The following LRCH2 variants were observed in gnomAD, a reference collection of about 807,000 sequenced individuals.
LRCH2 encodes the protein leucine-rich repeat and calponin homology domain-containing protein 2.
A neutral mutation model predicts 68.9 loss-of-function variants in LRCH2; 38 were observed. That is an observed-to-expected ratio of 0.55 (90% CI 0.43 to 0.72). The LOEUF (loss-of-function observed/expected upper bound fraction) is 0.72. Among genes scored for constraint, LRCH2 ranks in the 30% least tolerant of loss-of-function variants. The probability of loss-of-function intolerance (pLI) is 0.00; values close to 1 mark genes in which losing one functional copy is unlikely to be tolerated. For synonymous variants in LRCH2, 191 were observed against 208.1 expected (o/e 0.92, Z 0.71); for missense variants, 528 against 572.9 (o/e 0.92, Z 0.80).
rs1215220974 is a variant in LRCH2 at position 115,162,681 on chromosome X, G to A, written c.1463+995C>T. ...GATTGCCCCTAAAAAGTGGCCCCTA[G>A]AAACCATATATTTGTCATTTGATAA... On this transcript the variant is annotated intron_variant, in intron 11 of 20. Coordinates refer to ENST00000317135, the MANE Select transcript of LRCH2 (RefSeq NM_020871.4). Among the ~76,000 whole-genome samples the A allele has an allele frequency of 4.5e-5, 5 of 111,528 alleles. No individual in the cohort carries two copies. The East Asian group carries it at 1.4e-3, about 31-fold the overall frequency.
At chrX:115,114,640 A>G (rs1201401776) in intron 20 of LRCH2, among the ~76,000 whole-genome samples, 2 of 111,191 alleles carry the variant, frequency 1.8e-5, no homozygotes, top group Non-Finnish European at 3.8e-5. Flanking sequence ...CAAATTACCA[A>G]TATCATAAAT....
At chrX:115,159,748 C>CA (rs71894663) in intron 11 of LRCH2, among the ~76,000 whole-genome samples, 2,762 of 78,907 alleles carry the variant, frequency 0.035, 138 homozygotes, top group African/African-American at 0.12. Flanking sequence ...GAGACTGTCT[C>CA]AAAAAAAAAA....
chrX:115,153,928 G>A (rs1259737776), intron 12 of LRCH2, among the ~76,000 whole-genome samples: 8 of 111,681 alleles, frequency 7.2e-5, no homozygotes, highest in Non-Finnish European at 1.5e-4. Context: ...AAACATAAAT[G>A]ATTTTTAACA....
intron 1 of LRCH2, among the ~76,000 whole-genome samples, chrX:115,198,245 A>G (rs2072905765): frequency 9.0e-6 from 1 of 111,251 alleles, no homozygotes; most frequent in South Asian, 3.8e-4. Context: ...ACAAAATAAG[A>G]AACGAAACTT....
rs1556522488 is a variant in LRCH2 at position 115,110,669 on chromosome X, T to A, written c.*2547A>T. 1.8e-5 allele frequency: 2 copies of A among 112,205 alleles called. No individual in the cohort carries two copies. The highest frequency in any genetic ancestry group is 6.5e-5 in the African/African-American group (2 of 30,841). The allele number at this position is 112,205 out of a possible 1,213,427, so 9.2% of individuals were successfully genotyped here. A position where few individuals can be genotyped will look rare whatever the true frequency, so the allele number is the denominator to read the frequency against. On this transcript the variant is annotated 3_prime_UTR_variant, in exon 21 of 21. Coordinates refer to ENST00000317135, the MANE Select transcript of LRCH2 (RefSeq NM_020871.4). ...GCATCGGTAATATACATTTAAGTGTTCCATTTATTTTTAAATGCATCAGAA... is the reference window on the plus strand; with the variant it reads ...GCATCGGTAATATACATTTAAGTGTACCATTTATTTTTAAATGCATCAGAA...
rs377517608 is a variant in LRCH2, at chrX:115,224,508, C to T, written c.349+9185G>A. Among the ~76,000 whole-genome samples the T allele has an allele frequency of 9.1e-5, 10 of 109,430 alleles. No homozygotes were observed. The East Asian group carries it at 2.3e-3, about 25-fold the overall frequency. On this transcript the variant is annotated intron_variant, in intron 1 of 20. Transcript: ENST00000317135. ...GACCAGCCTGGGCAACATGATGAAA[C>T]CCTGTCTCTACAAAAAAATACAAAA...
intron 14 of LRCH2, among the ~76,000 whole-genome samples, chrX:115,148,071 T>TA (rs11299559): frequency 2.1e-4 from 22 of 105,911 alleles, no homozygotes; most frequent in Admixed American, 1.0e-4. Flanking sequence ...CTCTGTCTCT[T>TA]AAAAAAAAAA....
At chrX:115,129,913 A>C (rs1379482260) in intron 15 of LRCH2, among the ~76,000 whole-genome samples, 5 of 111,569 alleles carry the variant, frequency 4.5e-5, no homozygotes, top group Non-Finnish European at 7.5e-5. Context: ...CAGGTCTAAG[A>C]CGAATGATGA....
chrX:115,215,871 T>C (rs1422661434), intron 1 of LRCH2, among the ~76,000 whole-genome samples: 1 of 110,437 alleles, frequency 9.1e-6, no homozygotes, highest in Non-Finnish European at 1.9e-5. Context: ...GGCACTTCCA[T>C]ACATCATTGG....
chrX:115,193,797 C>T (rs1366519093), intron 1 of LRCH2, among the ~76,000 whole-genome samples: 2 of 111,294 alleles, frequency 1.8e-5, no homozygotes, highest in Non-Finnish European at 3.8e-5. Context: ...CAGCAACAAC[C>T]TCTATTCATG....
chrX:115,179,306 G>T, intron 5 of LRCH2, 121 bp downstream of exon 5: 1 of 569,989 alleles, frequency 1.8e-6, no homozygotes, highest in Non-Finnish European at 2.5e-6. Flanking sequence ...AAAAACTTTA[G>T]ACAACAGTGC....
chrX:115,201,321 T>C (rs782425493), intron 1 of LRCH2, among the ~76,000 whole-genome samples: 40 of 111,862 alleles, frequency 3.6e-4, no homozygotes, highest in African/African-American at 1.2e-3. Flanking sequence ...TCATACACCA[T>C]GATCAAGTGG....
intron 14 of LRCH2, among the ~76,000 whole-genome samples, chrX:115,144,321 T>TG (rs1486041064): frequency 9.0e-6 from 1 of 111,139 alleles, no homozygotes; most frequent in Non-Finnish European, 1.9e-5. Context: ...TCTCAAAAAC[T>TG]GGGGTATAGA....
intron 14 of LRCH2, among the ~76,000 whole-genome samples, chrX:115,142,230 C>A: frequency 8.9e-6 from 1 of 111,905 alleles, no homozygotes; most frequent in Non-Finnish European, 1.9e-5. Flanking sequence ...GACTTCAACA[C>A]CCCACTTTCA....
rs2072155482 is a variant in LRCH2, at chrX:115,122,865, A to G, written c.1995T>C (p.Pro665=). The change falls in exon 19 of 21, where the codon CCT becomes CCC. Residue 665 remains proline (P), a synonymous_variant. Transcript: ENST00000317135. The stretch of plus-strand genomic sequence containing the variant: ...CCATCAGTGCAGCTCCAATGTCATC[A>G]GGCAAAATTACTTTTAACCTGGATT... ...NLESRLKVIL[P]DDIGAALMDG... 8.3e-7 allele frequency: 1 copy of G among 1,209,013 alleles called. No individual in the cohort carries two copies. Among genetic ancestry groups the G allele is most frequent in the Middle Eastern group, 2.3e-4 (1 of 4,346 alleles).
chrX:115,141,882 AAAAG>A (rs1234556036), intron 14 of LRCH2, among the ~76,000 whole-genome samples: 3 of 108,979 alleles, frequency 2.8e-5, no homozygotes, highest in Non-Finnish European at 3.8e-5. Context: ...AAAAAAAAAA[AAAAG>A]AAAGAAAGAA....
At chrX:115,148,918 T>C (rs1194943537) in intron 14 of LRCH2, among the ~76,000 whole-genome samples, 3 of 111,704 alleles carry the variant, frequency 2.7e-5, no homozygotes, top group African/African-American at 9.7e-5. Flanking sequence ...TACACACCCA[T>C]ATATAGAAAC....
At chrX:115,192,242 A>G (rs1240749243) in intron 1 of LRCH2, 3 of 1,154,687 alleles carry the variant, frequency 2.6e-6, no homozygotes, top group Non-Finnish European at 2.3e-6. Context: ...AACAGTTCCA[A>G]CAACAGTCAT....
At chrX:115,184,640 A>T in intron 2 of LRCH2, 103 bp from the exon 3 acceptor site, 2 of 727,520 alleles carry the variant, frequency 2.7e-6, no homozygotes, top group Non-Finnish European at 3.8e-6. Flanking sequence ...ATCACTAAGT[A>T]ATAACTTAAT....
Sources: allele counts gnomAD v4.1 joint callset (sites outside exome capture counted in the v4.1 genomes callset), GRCh38; gene constraint gnomAD v4.1.1; transcripts MANE v1.5; gene names NCBI Gene and HGNC (gene_info 2026-07-23, HGNC 2026-07-21).